Variants in FRMD4A observed in about 807,000 individuals in gnomAD.
FRMD4A encodes FERM domain containing 4A.
A neutral mutation model predicts 129.1 loss-of-function variants in FRMD4A; 29 were observed. The ratio of observed to expected loss-of-function variants is 0.22; its 90% CI spans 0.17 to 0.31. FRMD4A has a LOEUF of 0.31. FRMD4A is among the 10% of genes least tolerant of loss of function. The pLI is 1.00. For missense variants in FRMD4A, 1,272 were observed against 1,375.8 expected (o/e 0.92, Z 1.19); for synonymous variants, 634 against 571.6 (o/e 1.11, Z -1.56).
intron 5 of FRMD4A, among the ~76,000 whole-genome samples, chr10:13,788,107 AT>A (rs970312268): frequency 2.6e-5 from 4 of 152,074 alleles, no homozygotes; most frequent in African/African-American, 9.7e-5. Flanking sequence ...TGGCTTTATG[AT>A]GCTTGGATGT....
At chr10:13,832,318 C>G (rs1159969803) in intron 3 of FRMD4A, among the ~76,000 whole-genome samples, 2 of 152,206 alleles carry the variant, frequency 1.3e-5, no homozygotes, top group Non-Finnish European at 2.9e-5. Context: ...GTCCACTGCC[C>G]TCTTAGGATT....
chr10:13,896,003 A>G (rs1309144276), intron 2 of FRMD4A, among the ~76,000 whole-genome samples: 1 of 152,206 alleles, frequency 6.6e-6, no homozygotes, highest in Non-Finnish European at 1.5e-5. Context: ...GGCGATTATT[A>G]AAAAGTCAGG....
At chr10:13,902,488 A>AGAGT (rs2094832233) in intron 2 of FRMD4A, among the ~76,000 whole-genome samples, 1 of 151,554 alleles carries the variant, frequency 6.6e-6, no homozygotes, top group African/African-American at 2.4e-5. Flanking sequence ...AGAGAGAGAG[A>AGAGT]GAGTGACAGA....
intron 2 of FRMD4A, among the ~76,000 whole-genome samples, chr10:13,937,546 T>G (rs900320592): frequency 3.3e-5 from 5 of 152,088 alleles, no homozygotes; most frequent in Non-Finnish European, 4.4e-5. Context: ...TCAAATTGAG[T>G]AACAAATCAG....
At chr10:13,654,021 C>T in intron 23 of FRMD4A, 1 of 354,556 alleles carries the variant, frequency 2.8e-6, no homozygotes, top group Non-Finnish European at 5.0e-6. Flanking sequence ...TCACCTGCCC[C>T]AGTGTATTTG....
chr10:14,144,525 T>G (rs1040617956), intron 2 of FRMD4A, among the ~76,000 whole-genome samples: 3 of 152,182 alleles, frequency 2.0e-5, no homozygotes, highest in African/African-American at 7.2e-5. Flanking sequence ...AAAACCCTGA[T>G]GAGTTTCTGC....
chr10:13,786,473 G>A (rs1483000304), intron 5 of FRMD4A, among the ~76,000 whole-genome samples: 2 of 152,156 alleles, frequency 1.3e-5, no homozygotes, highest in Non-Finnish European at 2.9e-5. Flanking sequence ...AGGCGTGGTG[G>A]CGGACACCCG....
intron 2 of FRMD4A, among the ~76,000 whole-genome samples, chr10:14,232,235 G>A (rs1170020685): frequency 1.3e-5 from 2 of 152,130 alleles, no homozygotes; most frequent in South Asian, 4.2e-4. Context: ...AGATTGGATG[G>A]TTGTACATTT....
intron 12 of FRMD4A, among the ~76,000 whole-genome samples, chr10:13,723,160 T>A (rs2089598591): frequency 6.6e-6 from 1 of 152,172 alleles, no homozygotes. Flanking sequence ...TAGGTCACCA[T>A]GCTGGTTAGC....
intron 2 of FRMD4A, among the ~76,000 whole-genome samples, chr10:13,884,186 A>T (rs28612162): frequency 0.26 from 28,599 of 107,938 alleles, 3,640 homozygotes; most frequent in Non-Finnish European, 0.29. Flanking sequence ...TCACACACAC[A>T]CACACACACT....
intron 2 of FRMD4A, among the ~76,000 whole-genome samples, chr10:14,077,387 C>T (rs141802797): frequency 6.4e-4 from 97 of 152,248 alleles, no homozygotes; most frequent in African/African-American, 2.2e-3. Flanking sequence ...CTTCTTGGAG[C>T]TTTGGTTTTC....
intron 2 of FRMD4A, among the ~76,000 whole-genome samples, chr10:14,247,890 C>A (rs944945297): frequency 6.6e-6 from 1 of 151,962 alleles, no homozygotes; most frequent in Non-Finnish European, 1.5e-5. Flanking sequence ...CTCTGTTGGA[C>A]CTTCACACGA....
chr10:13,886,113 C>T (rs1048632254), intron 2 of FRMD4A, among the ~76,000 whole-genome samples: 6 of 152,118 alleles, frequency 3.9e-5, no homozygotes, highest in African/African-American at 1.4e-4. Flanking sequence ...AGGCATGTGG[C>T]GAGAGCGTAA....
intron 2 of FRMD4A, among the ~76,000 whole-genome samples, chr10:13,960,167 C>T (rs530919212): frequency 2.2e-4 from 33 of 152,364 alleles, no homozygotes; most frequent in African/African-American, 7.9e-4. Context: ...AAGACACCAA[C>T]AATTGCCTGC....
intron 2 of FRMD4A, among the ~76,000 whole-genome samples, chr10:14,071,880 A>C (rs536903301): frequency 9.4e-4 from 143 of 152,292 alleles, no homozygotes; most frequent in Middle Eastern, 3.4e-3. Context: ...AGGAGCCTGC[A>C]GCTGAAAGGG....
At chr10:13,964,482 T>A (rs866445506) in intron 2 of FRMD4A, among the ~76,000 whole-genome samples, 1 of 19,644 alleles carries the variant, frequency 5.1e-5, no homozygotes, top group Non-Finnish European at 1.1e-4. Context: ...AGGGTGGGGG[T>A]GGGTGGGGAG....
intron 12 of FRMD4A, among the ~76,000 whole-genome samples, chr10:13,718,636 T>C (rs538361881): frequency 6.6e-6 from 1 of 152,386 alleles, no homozygotes; most frequent in Admixed American, 6.5e-5. Flanking sequence ...AGAGGACTTC[T>C]GCAGTGTGCA....
intron 14 of FRMD4A, among the ~76,000 whole-genome samples, chr10:13,696,069 G>A (rs950405618): frequency 1.3e-5 from 2 of 152,118 alleles, no homozygotes; most frequent in Non-Finnish European, 1.5e-5. Flanking sequence ...GCCTTTCCTC[G>A]ACTTATGCTT....
chr10:14,075,758 A>ACT (rs1258448424), intron 2 of FRMD4A, among the ~76,000 whole-genome samples: 2 of 151,382 alleles, frequency 1.3e-5, no homozygotes, highest in Admixed American at 1.3e-4. Flanking sequence ...ATATTTATAC[A>ACT]CACACATATG....
Sources: allele counts gnomAD v4.1 joint callset (sites outside exome capture counted in the v4.1 genomes callset), GRCh38; gene constraint gnomAD v4.1.1; transcripts MANE v1.5; gene names NCBI Gene and HGNC (gene_info 2026-07-23, HGNC 2026-07-21).